The following LGR4 variants were observed in gnomAD, a reference collection of about 807,000 sequenced individuals.
LGR4 encodes leucine rich repeat containing G protein-coupled receptor 4.
A neutral mutation model predicts 84.8 loss-of-function variants in LGR4; 44 were observed. That is an observed-to-expected ratio of 0.52 (90% CI 0.41 to 0.67). The LOEUF is 0.67. Ranked by LOEUF, LGR4 falls within the 30% of genes least tolerant of loss-of-function variation. The pLI is 0.00. For synonymous variants in LGR4, 429 were observed against 434.3 expected (o/e 0.99, Z 0.15); for missense variants, 1,032 against 1,131.4 (o/e 0.91, Z 1.26).
In LGR4 at chr11:27,406,325, C is replaced by T. The variant is rs1433101164; in HGVS notation, c.257+6464G>A. On this transcript the variant is annotated intron_variant, in intron 2 of 17. Coordinates refer to ENST00000379214, the MANE Select transcript of LGR4 (RefSeq NM_018490.5). ...AGCCAACAAAAGTTTGTTGAATTTA[C>T]TATACATTGTCTAGCAAGTCCTTCC... Among the ~76,000 whole-genome samples, 5 of 152,146 alleles carry T rather than the reference C, an allele frequency of 3.3e-5. 1 individual carries two copies. Among genetic ancestry groups the T allele is most frequent in the African/African-American group, 4.8e-5 (2 of 41,420 alleles).
At chr11:27,453,014 T>C (rs1002078737) in intron 1 of LGR4, among the ~76,000 whole-genome samples, 1 of 152,188 alleles carries the variant, frequency 6.6e-6, no homozygotes, top group Non-Finnish European at 1.5e-5. Context: ...TCTTTTTTAA[T>C]GTTCCTACAT....
At chr11:27,411,687 G>A (rs1002745325) in intron 2 of LGR4, among the ~76,000 whole-genome samples, 2 of 152,108 alleles carry the variant, frequency 1.3e-5, no homozygotes, top group Admixed American at 6.6e-5. Context: ...CTTGTAAGTG[G>A]CAAATAATCT....
chr11:27,461,361 C>G (rs762773436), intron 1 of LGR4, among the ~76,000 whole-genome samples: 1 of 150,378 alleles, frequency 6.6e-6, no homozygotes, highest in East Asian at 1.9e-4. Context: ...AAAAAAATAA[C>G]ACATAGGTAC....
At chr11:27,433,592 C>G (rs964428502) in intron 1 of LGR4, among the ~76,000 whole-genome samples, 1 of 152,048 alleles carries the variant, frequency 6.6e-6, no homozygotes, top group Non-Finnish European at 1.5e-5. Flanking sequence ...AAACTATCCT[C>G]CCTGTGAATG....
At chr11:27,465,305 T>C (rs914781140) in intron 1 of LGR4, among the ~76,000 whole-genome samples, 5 of 152,210 alleles carry the variant, frequency 3.3e-5, no homozygotes, top group African/African-American at 1.2e-4. Context: ...CCTGGACTAT[T>C]AGAAAGGCAT....
chr11:27,381,012 C>T (rs750398987), intron 7 of LGR4, 46 bp from the exon 8 acceptor site: 22 of 1,013,826 alleles, frequency 2.2e-5, no homozygotes, highest in Middle Eastern at 2.1e-4. Context: ...TATCCTCTTG[C>T]GAAATAAAAC....
chr11:27,377,171 C>G lies in LGR4; in HGVS notation c.1096G>C (p.Ala366Pro). ...RDLPSFNGCH[A>P]LEEISLQRNQ... ...AGACCAACTCACATTTCTTCCAGAG[C>G]ATGGCAACCATTAAAACTTGGAAGG... Residue 366 changes from alanine (A) to proline (P), a missense_variant, in exon 12 of 18, where the codon GCT becomes CCT. By Grantham distance (27) the Ala-to-Pro change is conservative. Coordinates refer to ENST00000379214, the MANE Select transcript of LGR4 (RefSeq NM_018490.5). 6.3e-7 allele frequency: 1 copy of G among 1,588,264 alleles called. No homozygotes were observed. The highest frequency in any genetic ancestry group is 8.6e-7 in the Non-Finnish European group (1 of 1,160,340).
chr11:27,462,209 T>C (rs912115511), intron 1 of LGR4, among the ~76,000 whole-genome samples: 1 of 152,142 alleles, frequency 6.6e-6, no homozygotes, highest in African/African-American at 2.4e-5. Context: ...ACAGATCACA[T>C]TGACACTGTC....
intron 1 of LGR4, among the ~76,000 whole-genome samples, chr11:27,432,137 A>T (rs1160989837): frequency 6.6e-6 from 1 of 151,908 alleles, no homozygotes; most frequent in African/African-American, 2.4e-5. Flanking sequence ...GGCAAGGAAT[A>T]AAAAGGCATT....
At chr11:27,406,070 T>C (rs1456877557) in intron 2 of LGR4, among the ~76,000 whole-genome samples, 3 of 152,124 alleles carry the variant, frequency 2.0e-5, no homozygotes, top group East Asian at 1.9e-4. Context: ...CCAACCATTT[T>C]TACCACCTAT....
intron 10 of LGR4, among the ~76,000 whole-genome samples, chr11:27,379,621 GT>G (rs1175703819): frequency 2.0e-5 from 3 of 152,090 alleles, no homozygotes; most frequent in Non-Finnish European, 4.4e-5. Context: ...GTGGCTAGAG[GT>G]CCTAGCTGCC....
intron 2 of LGR4, among the ~76,000 whole-genome samples, chr11:27,411,817 T>C (rs1415091659): frequency 6.6e-6 from 1 of 152,140 alleles, no homozygotes; most frequent in African/African-American, 2.4e-5. Flanking sequence ...CTTATTAGAC[T>C]CCTGTTCCCC....
chr11:27,395,647 G>A (rs1383075805), intron 2 of LGR4, among the ~76,000 whole-genome samples: 1 of 152,192 alleles, frequency 6.6e-6, no homozygotes, highest in Non-Finnish European at 1.5e-5. Context: ...CTAGTATGTG[G>A]TGGACAGTGA....
intron 1 of LGR4, among the ~76,000 whole-genome samples, chr11:27,462,666 C>T (rs1480652429): frequency 2.0e-5 from 3 of 152,050 alleles, no homozygotes; most frequent in African/African-American, 7.2e-5. Flanking sequence ...TAGTCACTCC[C>T]ACAAGAAATG....
intron 1 of LGR4, among the ~76,000 whole-genome samples, chr11:27,441,456 A>G (rs2080241559): frequency 6.6e-6 from 1 of 151,746 alleles, no homozygotes. Context: ...TGATTTCATC[A>G]TTACATAAAA....
At chr11:27,472,083 T>A in intron 1 of LGR4, 35 bp downstream of exon 1, 74 of 1,004,310 alleles carry the variant, frequency 7.4e-5, no homozygotes, top group African/African-American at 2.5e-4. Context: ...CCCCGTTTCC[T>A]CCCCCCCCCT....
intron 1 of LGR4, among the ~76,000 whole-genome samples, chr11:27,413,401 C>T (rs533255248): frequency 6.6e-6 from 1 of 152,238 alleles, no homozygotes; most frequent in Admixed American, 6.5e-5. Context: ...CAAGTGCGTA[C>T]ATGATAGGTA....
chr11:27,413,722 G>C (rs1863756243), intron 1 of LGR4, among the ~76,000 whole-genome samples: 1 of 152,028 alleles, frequency 6.6e-6, no homozygotes, highest in Non-Finnish European at 1.5e-5. Context: ...TCTAGAACCT[G>C]GCATGAAACT....
In LGR4 at chr11:27,472,704, C is replaced by G. The variant is rs981677610; in HGVS notation, c.-402G>C. 2 of 361,648 alleles carry G rather than the reference C, an allele frequency of 5.5e-6. No homozygotes were observed. The highest frequency in any genetic ancestry group is 8.1e-5 in the East Asian group (2 of 24,578). The allele number at this position is 361,648 out of a possible 1,614,324, so 22.4% of individuals were successfully genotyped here. ...TCGCCCCAGCCCCCGCCGTGGCTCTCGCACAAACACCCAGACTCTGGCTCG... is the reference window on the plus strand; with the variant it reads ...TCGCCCCAGCCCCCGCCGTGGCTCTGGCACAAACACCCAGACTCTGGCTCG... On this transcript the variant is annotated 5_prime_UTR_variant, in exon 1 of 18. Transcript: ENST00000379214.
Sources: gnomAD v4.1 joint callset for allele counts (sites outside exome capture counted in the v4.1 genomes callset) on GRCh38, gnomAD v4.1.1 for gene constraint, MANE v1.5 for transcripts, NCBI Gene and HGNC (gene_info 2026-07-23, HGNC 2026-07-21) for gene names.